SPAG16: variants seen among roughly 807,000 people sequenced by gnomAD.
The protein encoded by SPAG16 is sperm associated antigen 16.
SPAG16 carries 86 observed loss-of-function variants against 80.4 expected under a neutral mutation model. The observed-to-expected ratio is 1.07, with a 90% CI of 0.90 to 1.28. The LOEUF (loss-of-function observed/expected upper bound fraction) is 1.28, where lower values mean the gene tolerates loss of function less well. Among genes scored for constraint, SPAG16 ranks in the 50% most tolerant of loss-of-function variants. SPAG16 has a pLI of 0.00. For synonymous variants in SPAG16, 294 were observed against 265.9 expected, an observed-to-expected ratio of 1.11 and a Z score of -1.03; for missense variants, 870 against 765.3, an observed-to-expected ratio of 1.14 and a Z score of -1.61.
At chr2:214,265,065 A>G (rs1360435347) in intron 15 of SPAG16, among the ~76,000 whole-genome samples, 1 of 152,144 alleles carries the variant, frequency 6.6e-6, no homozygotes, top group African/African-American at 2.4e-5. Context: ...TGTTTTTGCA[A>G]TTATGGGAAA....
At chr2:213,724,065 T>TTTCAC (rs2066644036) in intron 10 of SPAG16, among the ~76,000 whole-genome samples, 1 of 152,166 alleles carries the variant, frequency 6.6e-6, no homozygotes, top group East Asian at 1.9e-4. Flanking sequence ...CAGACTGGAA[T>TTTCAC]AGGGAAGTGT....
chr2:214,292,183 T>C (rs1326359516), intron 15 of SPAG16, among the ~76,000 whole-genome samples: 1 of 152,178 alleles, frequency 6.6e-6, no homozygotes, highest in Non-Finnish European at 1.5e-5. Flanking sequence ...TAGTTTTCTC[T>C]TTAATACTGA....
intron 10 of SPAG16, among the ~76,000 whole-genome samples, chr2:213,704,275 G>A (rs1006706978): frequency 1.3e-5 from 2 of 152,190 alleles, no homozygotes; most frequent in African/African-American, 4.8e-5. Context: ...TTTTCTCACA[G>A]AGTTGTGAGA....
chr2:214,311,431 C>T (rs1262579050), intron 15 of SPAG16, among the ~76,000 whole-genome samples: 3 of 152,172 alleles, frequency 2.0e-5, no homozygotes, highest in African/African-American at 7.2e-5. Context: ...CGTGCTGTGC[C>T]TGCTGGAAGT....
At chr2:214,131,079 G>T (rs765818434) in intron 14 of SPAG16, among the ~76,000 whole-genome samples, 1 of 152,108 alleles carries the variant, frequency 6.6e-6, no homozygotes, top group Non-Finnish European at 1.5e-5. Context: ...TAAGCATTAT[G>T]CTAGGTGTCG....
intron 9 of SPAG16, among the ~76,000 whole-genome samples, chr2:213,409,504 G>A (rs1355888827): frequency 2.0e-5 from 3 of 152,170 alleles, no homozygotes; most frequent in African/African-American, 7.2e-5. Context: ...CAGTTTTTCT[G>A]TGAACTGGAC....
chr2:214,169,599 G>A (rs1433589906), intron 15 of SPAG16, among the ~76,000 whole-genome samples: 2 of 151,880 alleles, frequency 1.3e-5, no homozygotes, highest in South Asian at 2.1e-4. Flanking sequence ...TAAGACGAAC[G>A]GCTGTTGAAT....
intron 10 of SPAG16, among the ~76,000 whole-genome samples, chr2:213,844,747 CTT>C (rs1354740343): frequency 6.6e-6 from 1 of 152,090 alleles, no homozygotes; most frequent in Non-Finnish European, 1.5e-5. Flanking sequence ...TTTTTACTGT[CTT>C]TACCAATGAA....
intron 10 of SPAG16, among the ~76,000 whole-genome samples, chr2:213,574,878 A>G (rs1165978000): frequency 6.6e-6 from 1 of 151,982 alleles, no homozygotes; most frequent in African/African-American, 2.4e-5. Flanking sequence ...TATTATACAC[A>G]CATACAACCA....
chr2:214,244,492 T>C (rs923400491), intron 15 of SPAG16, among the ~76,000 whole-genome samples: 2 of 151,822 alleles, frequency 1.3e-5, no homozygotes, highest in Non-Finnish European at 2.9e-5. Context: ...TTTCATAGTT[T>C]CTGAGGCCCT....
intron 9 of SPAG16, among the ~76,000 whole-genome samples, chr2:213,445,357 ACATAT>A (rs2071227947): frequency 1.3e-5 from 2 of 152,206 alleles, no homozygotes; most frequent in Non-Finnish European, 1.5e-5. Flanking sequence ...TCAAAAGAAG[ACATAT>A]CAATGACCAA....
At chr2:214,051,621 T>C (rs2049647189) in intron 13 of SPAG16, among the ~76,000 whole-genome samples, 1 of 152,218 alleles carries the variant, frequency 6.6e-6, no homozygotes, top group African/African-American at 2.4e-5. Flanking sequence ...TTTCTATTTA[T>C]ACTTACAATA....
intron 13 of SPAG16, among the ~76,000 whole-genome samples, chr2:214,030,250 A>G (rs1290000181): frequency 2.0e-5 from 3 of 152,110 alleles, no homozygotes; most frequent in African/African-American, 7.2e-5. Flanking sequence ...AGGTTGGATT[A>G]TTTCACTTAG....
At chr2:214,226,715 T>C (rs962043173) in intron 15 of SPAG16, among the ~76,000 whole-genome samples, 1 of 152,006 alleles carries the variant, frequency 6.6e-6, no homozygotes, top group Non-Finnish European at 1.5e-5. Flanking sequence ...AGATCACATT[T>C]TGGACACTTA....
intron 10 of SPAG16, among the ~76,000 whole-genome samples, chr2:213,782,626 A>G (rs570445003): frequency 6.6e-6 from 1 of 152,314 alleles, no homozygotes; most frequent in South Asian, 2.1e-4. Context: ...AGAATTTTTG[A>G]AAGCTTCACA....
chr2:214,396,246 G>A (rs1701368701), intron 15 of SPAG16, among the ~76,000 whole-genome samples: 1 of 150,906 alleles, frequency 6.6e-6, no homozygotes, highest in Admixed American at 6.6e-5. Context: ...CTGTGGCTTG[G>A]CTTTTTGTTG....
intron 10 of SPAG16, among the ~76,000 whole-genome samples, chr2:213,512,023 C>A (rs1460773388): frequency 2.0e-5 from 3 of 151,896 alleles, no homozygotes; most frequent in Non-Finnish European, 2.9e-5. Flanking sequence ...TATTACACCC[C>A]TTTTATAGAG....
At chr2:214,189,923 C>T (rs968828074) in intron 15 of SPAG16, among the ~76,000 whole-genome samples, 4 of 151,824 alleles carry the variant, frequency 2.6e-5, no homozygotes, top group South Asian at 2.1e-4. Context: ...TGAAATTTTC[C>T]GAAATTGGGA....
chr2:214,089,711 G>T (rs1437121730), intron 13 of SPAG16, among the ~76,000 whole-genome samples: 3 of 151,788 alleles, frequency 2.0e-5, no homozygotes, highest in Non-Finnish European at 2.9e-5. Flanking sequence ...TTACAATATT[G>T]AATTTATGAT....
Sources: allele counts gnomAD v4.1 joint callset (sites outside exome capture counted in the v4.1 genomes callset), GRCh38; gene constraint gnomAD v4.1.1; transcripts MANE v1.5; gene names NCBI Gene and HGNC (gene_info 2026-07-23, HGNC 2026-07-21).